Variants in SPAG16 observed in about 807,000 individuals in gnomAD.
SPAG16 encodes the protein sperm-associated antigen 16 protein.
A neutral mutation model predicts 80.4 loss-of-function variants in SPAG16; 86 were observed. The observed-to-expected ratio is 1.07, with a 90% CI of 0.90 to 1.28. The LOEUF is 1.28. Ranked by LOEUF, SPAG16 falls within the 50% of genes most tolerant of loss-of-function variation. SPAG16 has a pLI of 0.00. For missense variants in SPAG16, 870 were observed against 765.3 expected (o/e 1.14, Z -1.61); for synonymous variants, 294 against 265.9 (o/e 1.11, Z -1.03).
intron 15 of SPAG16, among the ~76,000 whole-genome samples, chr2:214,305,827 T>C (rs1399451023): frequency 1.3e-5 from 2 of 152,148 alleles, no homozygotes; most frequent in African/African-American, 4.8e-5. Context: ...CTTTGTTCTT[T>C]TTGCTTTGGA....
chr2:213,293,276 T>C (rs1468650999), intron 1 of SPAG16, among the ~76,000 whole-genome samples: 5 of 152,202 alleles, frequency 3.3e-5, no homozygotes, highest in Non-Finnish European at 7.3e-5. Flanking sequence ...CTCTTTTCCT[T>C]ATAAATTACC....
At chr2:214,275,906 C>T (rs778592908) in intron 15 of SPAG16, among the ~76,000 whole-genome samples, 4 of 152,070 alleles carry the variant, frequency 2.6e-5, no homozygotes, top group Admixed American at 6.5e-5. Context: ...TAAGGTCTCC[C>T]ATTATTATTG....
Position 213,722,361 on chromosome 2 carries a change from G to A in SPAG16, c.1071-140124G>A, listed in dbSNP as rs182835371. On this transcript the variant is annotated intron_variant, in intron 10 of 15. Coordinates refer to ENST00000331683, the MANE Select transcript of SPAG16 (RefSeq NM_024532.5). The stretch of plus-strand genomic sequence containing the variant: ...ATTTAAAGTTGAATTTAAATTGACT[G>A]TACATTCCTTGAAATGTGTTCTCTC... Among the ~76,000 whole-genome samples, 9 of 152,264 alleles carry A rather than the reference G, an allele frequency of 5.9e-5. 1 individual carries two copies. In the South Asian group the frequency reaches 1.0e-3, roughly 18 times the overall value.
intron 11 of SPAG16, chr2:213,924,116 AG>A: frequency 6.6e-6 from 1 of 152,406 alleles, no homozygotes; most frequent in Non-Finnish European, 1.5e-5. Context: ...CCATCTGGCA[AG>A]GGGGTGGGTG....
At chr2:214,036,887 A>T (rs961317540) in intron 13 of SPAG16, among the ~76,000 whole-genome samples, 17 of 152,084 alleles carry the variant, frequency 1.1e-4, no homozygotes, top group Non-Finnish European at 1.8e-4. Context: ...TATTTAAAGT[A>T]TACTGGGTCA....
At chr2:214,357,331 A>G (rs986335115) in intron 15 of SPAG16, among the ~76,000 whole-genome samples, 5 of 151,938 alleles carry the variant, frequency 3.3e-5, no homozygotes, top group Non-Finnish European at 2.9e-5. Flanking sequence ...TGAAATGCCA[A>G]TGAGAAATAT....
At chr2:214,091,800 C>T (rs1382096615) in intron 13 of SPAG16, among the ~76,000 whole-genome samples, 1 of 152,052 alleles carries the variant, frequency 6.6e-6, no homozygotes, top group Non-Finnish European at 1.5e-5. Context: ...CCTACAATTC[C>T]TATCTTCTTC....
chr2:213,387,645 G>A (rs188856945), intron 9 of SPAG16, among the ~76,000 whole-genome samples: 196 of 149,092 alleles, frequency 1.3e-3, no homozygotes, highest in African/African-American at 2.7e-3. Context: ...TAGTAGAGAC[G>A]GGGTTTCACC....
intron 12 of SPAG16, among the ~76,000 whole-genome samples, chr2:213,979,101 T>C (rs2045563066): frequency 6.6e-6 from 1 of 152,074 alleles, no homozygotes. Context: ...CATATTCTAT[T>C]GGTTACAGTG....
intron 13 of SPAG16, among the ~76,000 whole-genome samples, chr2:214,031,590 T>G (rs2125051783): frequency 1.3e-5 from 1 of 77,126 alleles, no homozygotes; most frequent in South Asian, 5.9e-4. Flanking sequence ...AAACTTAAAG[T>G]ATAATAATAA....
intron 9 of SPAG16, among the ~76,000 whole-genome samples, chr2:213,425,362 T>C (rs1042462886): frequency 2.7e-5 from 4 of 149,550 alleles, no homozygotes; most frequent in African/African-American, 9.9e-5. Flanking sequence ...TGCATATAAA[T>C]GTGTAGGCTG....
intron 10 of SPAG16, among the ~76,000 whole-genome samples, chr2:213,551,431 A>G (rs1223694502): frequency 6.6e-6 from 1 of 152,220 alleles, no homozygotes. Flanking sequence ...TATAGTGTAA[A>G]TGAGATTAGT....
intron 15 of SPAG16, among the ~76,000 whole-genome samples, chr2:214,338,077 C>T (rs1697421180): frequency 6.6e-6 from 1 of 152,058 alleles, no homozygotes; most frequent in Non-Finnish European, 1.5e-5. Context: ...ATAGGTGAAA[C>T]CCAAAGTTAG....
At chr2:213,980,725 T>TATATATATATAGAGAGAGAGAGAGAG (rs374274176) in intron 12 of SPAG16, among the ~76,000 whole-genome samples, 1 of 103,988 alleles carries the variant, frequency 9.6e-6, no homozygotes, top group African/African-American at 5.0e-5. Flanking sequence ...TATATATATA[T>TATATATATATAGAGAGAGAGAGAGAG]AGAGAGAGAG....
chr2:213,424,872 C>T (rs1005414245), intron 9 of SPAG16, among the ~76,000 whole-genome samples: 1 of 152,150 alleles, frequency 6.6e-6, no homozygotes. Context: ...AACCCAGCCA[C>T]TGAGTTATAT....
chr2:213,866,834 A>T (rs1395884131), intron 11 of SPAG16, among the ~76,000 whole-genome samples: 2 of 152,088 alleles, frequency 1.3e-5, no homozygotes, highest in African/African-American at 2.4e-5. Flanking sequence ...TACATATTTT[A>T]TTTTTTTCCC....
chr2:213,701,612 G>C (rs531607050), intron 10 of SPAG16, among the ~76,000 whole-genome samples: 1 of 152,320 alleles, frequency 6.6e-6, no homozygotes, highest in African/African-American at 2.4e-5. Context: ...AGGAGTGCAG[G>C]TGCGTGGCGC....
rs1416820168 is a variant in SPAG16, at chr2:214,147,716, T to A, written c.1594-1424T>A. Among the ~76,000 whole-genome samples the A allele has an allele frequency of 3.3e-5, 5 of 152,308 alleles. No individual in the cohort carries two copies. The East Asian group carries it at 9.6e-4, about 29-fold the overall frequency. ...CATTCCAAGTTCTCCATGTTCCTTT[T>A]AAGTCATAAAAAAGATTAAGCATCT... On this transcript the variant is annotated intron_variant, in intron 14 of 15. Coordinates refer to ENST00000331683, the MANE Select transcript of SPAG16 (RefSeq NM_024532.5).
chr2:214,142,676 TG>T (rs2055422649), intron 14 of SPAG16, among the ~76,000 whole-genome samples: 1 of 152,138 alleles, frequency 6.6e-6, no homozygotes, highest in African/African-American at 2.4e-5. Context: ...TCACTGAGTG[TG>T]CTACTTGGTA....
Sources: gnomAD v4.1 joint callset for allele counts (sites outside exome capture counted in the v4.1 genomes callset) on GRCh38, gnomAD v4.1.1 for gene constraint, MANE v1.5 for transcripts, NCBI Gene and HGNC (gene_info 2026-07-23, HGNC 2026-07-21) for gene names.